DPP6: variants seen among roughly 807,000 people sequenced by gnomAD.
The protein encoded by DPP6 is A-type potassium channel modulatory protein DPP6.
DPP6 carries 69 observed loss-of-function variants against 122.6 expected under a neutral mutation model. That is an observed-to-expected ratio of 0.56 (90% CI 0.46 to 0.69). The LOEUF is 0.69. Among genes scored for constraint, DPP6 ranks in the 30% least tolerant of loss-of-function variants. The pLI, the probability that DPP6 is intolerant of heterozygous loss-of-function variation, is 0.00. For synonymous variants in DPP6, 418 were observed against 433.1 expected (o/e 0.97, Z 0.43); for missense variants, 928 against 1,116.9 (o/e 0.83, Z 2.41).
At chr7:154,489,297 T>C (rs1031887374) in intron 3 of DPP6, among the ~76,000 whole-genome samples, 3 of 152,214 alleles carry the variant, frequency 2.0e-5, no homozygotes, top group Non-Finnish European at 4.4e-5. Context: ...GTGAATCTCA[T>C]GTTCACATTT....
chr7:154,146,359 C>A (rs1400364961), intron 1 of DPP6, among the ~76,000 whole-genome samples: 1 of 122,710 alleles, frequency 8.1e-6, no homozygotes, highest in Non-Finnish European at 1.9e-5. Context: ...TGAAGCCATC[C>A]CCCATTTCCT....
At chr7:154,587,909 T>G (rs1158878530) in intron 5 of DPP6, 1 of 1,612,666 alleles carries the variant, frequency 6.2e-7, no homozygotes, top group Non-Finnish European at 8.5e-7. Context: ...TGCAGGAGAG[T>G]CCCAGGAGGC....
At chr7:154,305,694 G>GT in intron 1 of DPP6, 1 of 1,265,916 alleles carries the variant, frequency 7.9e-7, no homozygotes, top group Non-Finnish European at 1.1e-6. Flanking sequence ...GTTTATGACT[G>GT]TAGCCCCCTG....
chr7:154,562,952 C>T (rs188891381), intron 4 of DPP6, among the ~76,000 whole-genome samples: 1 of 151,870 alleles, frequency 6.6e-6, no homozygotes. Context: ...AACCATCTTC[C>T]TTTCAAGGTG....
chr7:153,927,886 A>G (rs1049999708), intron 1 of DPP6, among the ~76,000 whole-genome samples: 3 of 152,058 alleles, frequency 2.0e-5, no homozygotes, highest in Non-Finnish European at 4.4e-5. Flanking sequence ...AGTATCCTTT[A>G]TTAAAAACAG....
rs139440802 is a variant in DPP6 at position 153,908,716 on chromosome 7, G to A, written c.51+20982G>A. Among the ~76,000 whole-genome samples the A allele has an allele frequency of 1.5e-4, 23 of 152,168 alleles. No homozygotes were observed. The East Asian group carries it at 4.4e-3, about 29-fold the overall frequency. On this transcript the variant is annotated intron_variant, in intron 1 of 25. Coordinates refer to the DPP6 transcript ENST00000404039. ...GAGTAGTTAACTCATTTAATTTTTT[G>A]TGAATGAAAATATGAATGGTCACAT...
chr7:153,982,338 C>A (rs1368748414), intron 1 of DPP6, among the ~76,000 whole-genome samples: 2 of 151,658 alleles, frequency 1.3e-5, no homozygotes, highest in African/African-American at 4.8e-5. Flanking sequence ...ATTGCTTCAG[C>A]TATTGATACT....
chr7:154,371,501 C>T (rs893535426), intron 1 of DPP6, among the ~76,000 whole-genome samples: 4 of 151,694 alleles, frequency 2.6e-5, no homozygotes, highest in East Asian at 1.9e-4. Context: ...TCTGCCCATT[C>T]TCCTGAGTAG....
At chr7:154,150,662 T>C (rs574798965) in intron 1 of DPP6, among the ~76,000 whole-genome samples, 1 of 152,380 alleles carries the variant, frequency 6.6e-6, no homozygotes, top group South Asian at 2.1e-4. Flanking sequence ...GCACCTGTGA[T>C]GTCTGGGTTC....
chr7:154,266,607 C>T (rs1563389849), intron 1 of DPP6, among the ~76,000 whole-genome samples: 1 of 152,140 alleles, frequency 6.6e-6, no homozygotes, highest in African/African-American at 2.4e-5. Flanking sequence ...AATATTTGTT[C>T]ATTCTGTACA....
At chr7:154,578,044 A>G (rs1831798768) in intron 5 of DPP6, among the ~76,000 whole-genome samples, 1 of 152,234 alleles carries the variant, frequency 6.6e-6, no homozygotes, top group Non-Finnish European at 1.5e-5. Flanking sequence ...ATTTCACAAC[A>G]TGTTAACTTA....
At chr7:154,442,854 C>A (rs1819506506) in intron 1 of DPP6, among the ~76,000 whole-genome samples, 1 of 152,162 alleles carries the variant, frequency 6.6e-6, no homozygotes, top group South Asian at 2.1e-4. Flanking sequence ...CCAGGACAGA[C>A]CTCCATTACC....
intron 7 of DPP6, among the ~76,000 whole-genome samples, chr7:154,717,434 T>C (rs1323868076): frequency 6.6e-6 from 1 of 151,088 alleles, no homozygotes; most frequent in Non-Finnish European, 1.5e-5. Flanking sequence ...AGCACCGTTC[T>C]ACTCTCTACT....
the DPP6 span, among the ~76,000 whole-genome samples, chr7:153,853,118 C>T: frequency 3.9e-5 from 6 of 152,316 alleles, no homozygotes; most frequent in African/African-American, 1.4e-4. Context: ...AGAGGAATCA[C>T]AGAGGAATCA....
rs1563073563 is a variant in DPP6 at position 154,661,782 on chromosome 7, TC to T, written c.681-7577del. On this transcript the variant is annotated intron_variant, in intron 6 of 25. Coordinates refer to ENST00000377770, the MANE Select transcript of DPP6 (RefSeq NM_130797.4). Reference sequence around the variant, plus strand: ...CGTGTTGGCCCTAGTGTTCACGCAGTCATGGTGAATCACCATGGCGTGTTGG... The same window carrying T: ...CGTGTTGGCCCTAGTGTTCACGCAGTATGGTGAATCACCATGGCGTGTTGG... 3.4e-3 allele frequency among the ~76,000 whole-genome samples: 476 copies of T among 141,768 alleles called. 41 individuals carry two copies. Among genetic ancestry groups the T allele is most frequent in the Admixed American group, 5.3e-3 (76 of 14,206 alleles). 93.0% of individuals were successfully genotyped at this position (141,768 alleles called of 152,430 possible).
At chr7:154,867,404 G>A (rs536494624) in intron 17 of DPP6, among the ~76,000 whole-genome samples, 5 of 152,296 alleles carry the variant, frequency 3.3e-5, no homozygotes, top group Middle Eastern at 6.8e-3. Context: ...TCTCTACCAC[G>A]GAGGGAGGAC....
intron 1 of DPP6, among the ~76,000 whole-genome samples, chr7:154,129,684 G>T (rs560080724): frequency 5.2e-4 from 79 of 152,246 alleles, no homozygotes; most frequent in African/African-American, 1.8e-3. Flanking sequence ...TGGATCACGA[G>T]GTCAGGAGAT....
the DPP6 span, among the ~76,000 whole-genome samples, chr7:153,773,208 T>A: frequency 1.4e-5 from 2 of 147,984 alleles, no homozygotes; most frequent in Non-Finnish European, 3.0e-5. Context: ...AAGTCAAAAA[T>A]TTTTTTAAAA....
At chr7:154,725,681 T>C (rs544331045) in intron 7 of DPP6, among the ~76,000 whole-genome samples, 23 of 152,226 alleles carry the variant, frequency 1.5e-4, no homozygotes, top group African/African-American at 5.3e-4. Context: ...CCCTCCCAGA[T>C]CTCATGTCCT....
Sources: gnomAD v4.1 joint callset for allele counts (sites outside exome capture counted in the v4.1 genomes callset) on GRCh38, gnomAD v4.1.1 for gene constraint, MANE v1.5 for transcripts, NCBI Gene and HGNC (gene_info 2026-07-23, HGNC 2026-07-21) for gene names.